The following AGO3 variants were observed in gnomAD, a reference collection of about 807,000 sequenced individuals.
The protein encoded by AGO3 is argonaute RISC catalytic component 3, also known as protein argonaute-3.
A neutral mutation model predicts 105.5 loss-of-function variants in AGO3; 16 were observed. The ratio of observed to expected loss-of-function variants is 0.15; its 90% CI spans 0.10 to 0.23. The LOEUF is 0.23. Among genes scored for constraint, AGO3 ranks in the 10% least tolerant of loss-of-function variants. AGO3 has a pLI of 1.00. For synonymous variants in AGO3, 340 were observed against 367.3 expected (o/e 0.93, Z 0.85); for missense variants, 534 against 1,088.0 (o/e 0.49, Z 7.16).
At chr1:36,033,313 G>A (rs1018721079) in intron 12 of AGO3, among the ~76,000 whole-genome samples, 7 of 151,304 alleles carry the variant, frequency 4.6e-5, no homozygotes, top group Non-Finnish European at 1.0e-4. Flanking sequence ...CTCTACCCTG[G>A]GTGACAGAAT....
rs1160814351 is a variant in AGO3, at chr1:36,067,573, G to A, written c.*11828G>A. ...AAATACAAAATTAGCTAGGCGTGGT[G>A]GCAGGCGCCTGAGGCTGAGGCAGGA... is the stretch of plus-strand genomic sequence containing the variant. On this transcript the variant is annotated 3_prime_UTR_variant, in exon 19 of 19. Coordinates refer to ENST00000373191, the MANE Select transcript of AGO3 (RefSeq NM_024852.4). The A allele has an allele frequency of 6.6e-6, 1 of 152,220 alleles. No homozygotes were observed. Among genetic ancestry groups the A allele is most frequent in the Non-Finnish European group, 1.5e-5 (1 of 68,060 alleles). The allele number at this position is 152,220 out of a possible 1,614,324, so 9.4% of individuals were successfully genotyped here.
chr1:36,023,283 A>G (rs1446961325), intron 11 of AGO3, among the ~76,000 whole-genome samples: 2 of 152,336 alleles, frequency 1.3e-5, no homozygotes, highest in East Asian at 3.9e-4. Context: ...ATGGACACAG[A>G]GAGTCTGACT....
chr1:36,058,436 G>T lies in AGO3; in HGVS notation c.*2691G>T, dbSNP rs980983716. 2 of 150,598 alleles carry T rather than the reference G, an allele frequency of 1.3e-5. No individual in the cohort carries two copies. Among genetic ancestry groups the T allele is most frequent in the Non-Finnish European group, 3.0e-5 (2 of 67,722 alleles). 9.3% of individuals were successfully genotyped at this position (150,598 alleles called of 1,614,324 possible). On this transcript the variant is annotated 3_prime_UTR_variant, in exon 19 of 19. Transcript: ENST00000373191. ...TTGTAACTCATGAAAATTGCATTTT[G>T]ATTTTTTTTTTTTTTGCACTGGTTC...
At position 36,040,358 on chromosome 1, in the gene AGO3, A is replaced by G; in HGVS notation, c.2089A>G (p.Lys697Glu). The change falls in exon 16 of 19, where the codon AAA (lysine) becomes GAA (glutamate). Residue 697 changes from lysine to glutamate, a missense_variant. Transcript: ENST00000373191. Reference sequence around the variant, plus strand: ...TCGAGAAGCCTGCATCAGTTTGGAGAAAGACTATCAACCTGGAATAACCTA... The same window carrying G: ...TCGAGAAGCCTGCATCAGTTTGGAGGAAGACTATCAACCTGGAATAACCTA... ...AIREACISLE[K>E]DYQPGITYIV... 6.2e-7 allele frequency: 1 copy of G among 1,613,876 alleles called. No homozygotes were observed. Among genetic ancestry groups the G allele is most frequent in the East Asian group, 2.2e-5 (1 of 44,844 alleles).
intron 17 of AGO3, among the ~76,000 whole-genome samples, chr1:36,052,333 T>C (rs1239494668): frequency 6.6e-6 from 1 of 152,016 alleles, no homozygotes; most frequent in South Asian, 2.1e-4. Flanking sequence ...TACTGCATGA[T>C]CTCACTGGTG....
intron 5 of AGO3, among the ~76,000 whole-genome samples, chr1:35,978,161 G>A (rs1387661968): frequency 1.3e-5 from 2 of 152,068 alleles, no homozygotes; most frequent in African/African-American, 2.4e-5. Context: ...AAATCTTGAT[G>A]AACTCTTTCT....
chr1:36,013,896 T>C lies in AGO3; in HGVS notation c.1273-19T>C. On this transcript the variant is annotated intron_variant, in intron 10 of 18. Coordinates refer to ENST00000373191, the MANE Select transcript of AGO3 (RefSeq NM_024852.4). ...ATTTTTGTTCTTTTTCACCATGTTATTTTTTTCTCCTCGTGTAGAATCGGA... is the reference window on the plus strand; with the variant it reads ...ATTTTTGTTCTTTTTCACCATGTTACTTTTTTCTCCTCGTGTAGAATCGGA... 1 of 1,602,306 alleles carries C rather than the reference T, an allele frequency of 6.2e-7. No homozygotes were observed. The highest frequency in any genetic ancestry group is 8.5e-7 in the Non-Finnish European group (1 of 1,173,848).
At chr1:35,995,373 C>T (rs1005054859) in intron 5 of AGO3, among the ~76,000 whole-genome samples, 5 of 151,790 alleles carry the variant, frequency 3.3e-5, no homozygotes, top group Non-Finnish European at 7.4e-5. Flanking sequence ...TCAAGACGTG[C>T]TATAAAACTA....
In AGO3 at chr1:35,961,660, T is replaced by C. The variant is rs562725309; in HGVS notation, c.192-5295T>C. Among the ~76,000 whole-genome samples the C allele has an allele frequency of 8.5e-4, 129 of 152,340 alleles. 1 individual carries two copies. The highest frequency in any genetic ancestry group is 3.1e-3 in the African/African-American group (127 of 41,582). ...ATGATTTCCTATCAGGATTGCCTCC[T>C]TCTCATTATATTTGAATTTTTAGGG... On this transcript the variant is annotated intron_variant, in intron 2 of 18. Transcript: ENST00000373191.
chr1:36,016,883 A>G (rs1640931048), intron 11 of AGO3, among the ~76,000 whole-genome samples: 1 of 152,122 alleles, frequency 6.6e-6, no homozygotes, highest in East Asian at 1.9e-4. Context: ...TTGGTTTGGT[A>G]TGGTCTGTTG....
chr1:36,072,240 T>G lies in AGO3; in HGVS notation c.*16495T>G, dbSNP rs996059308. The G allele has an allele frequency of 6.6e-6, 1 of 152,202 alleles. No homozygotes were observed. Among genetic ancestry groups the G allele is most frequent in the Non-Finnish European group, 1.5e-5 (1 of 68,034 alleles). The allele number at this position is 152,202 out of a possible 1,614,324, so 9.4% of individuals were successfully genotyped here. A position where few individuals can be genotyped will look rare whatever the true frequency, so the allele number is the denominator to read the frequency against. On this transcript the variant is annotated 3_prime_UTR_variant, in exon 19 of 19. Coordinates refer to ENST00000373191, the MANE Select transcript of AGO3 (RefSeq NM_024852.4). ...ATAATATTTTGTGTTAAAGAAAGTG[T>G]CATTGTTTCCTGTTGGGAGGCAAAT... is the stretch of plus-strand genomic sequence containing the variant.
chr1:35,975,031 A>T (rs966363762), intron 5 of AGO3, among the ~76,000 whole-genome samples: 5 of 152,086 alleles, frequency 3.3e-5, no homozygotes, highest in Non-Finnish European at 5.9e-5. Flanking sequence ...TTTTCTTTAG[A>T]TGTATACTAG....
chr1:35,957,103 C>T (rs1193801370), intron 2 of AGO3, among the ~76,000 whole-genome samples: 1 of 151,776 alleles, frequency 6.6e-6, no homozygotes, highest in Non-Finnish European at 1.5e-5. Context: ...TAATCTCAGC[C>T]CTTTGGGAGG....
At chr1:35,987,055 C>A (rs1173697047) in intron 5 of AGO3, among the ~76,000 whole-genome samples, 2 of 140,088 alleles carry the variant, frequency 1.4e-5, no homozygotes, top group African/African-American at 5.4e-5. Flanking sequence ...GGGCTAGGCA[C>A]GGTGGCTCAT....
rs1643125032 is a variant in AGO3 at position 36,068,703 on chromosome 1, ATACT to A, written c.*12961_*12964del. On this transcript the variant is annotated 3_prime_UTR_variant, in exon 19 of 19. Transcript: ENST00000373191. ...GTAAAAAATTATATTGAATGAATTA[ATACT>A]TAACCTGTTCATTTCTCTTAATTTA... 6.6e-6 allele frequency: 1 copy of A among 152,218 alleles called. No homozygotes were observed. The highest frequency in any genetic ancestry group is 1.5e-5 in the Non-Finnish European group (1 of 68,046). 9.4% of individuals were successfully genotyped at this position (152,218 alleles called of 1,614,324 possible).
chr1:35,979,916 A>G (rs138002508), intron 5 of AGO3, among the ~76,000 whole-genome samples: 1 of 152,164 alleles, frequency 6.6e-6, no homozygotes, highest in African/African-American at 2.4e-5. Flanking sequence ...TAAGCCAGAT[A>G]TAGATAGGAA....
At chr1:36,052,575 G>A (rs1642761204) in intron 17 of AGO3, among the ~76,000 whole-genome samples, 1 of 151,992 alleles carries the variant, frequency 6.6e-6, no homozygotes, top group Admixed American at 6.6e-5. Flanking sequence ...CAATGTTTGA[G>A]GCATAGATAT....
At position 36,055,309 on chromosome 1, in the gene AGO3, T is replaced by G. The variant is rs572306710; in HGVS notation, c.2474+164T>G. The G allele has an allele frequency of 1.4e-6, 1 of 700,724 alleles. No individual in the cohort carries two copies. The highest frequency in any genetic ancestry group is 2.7e-5 in the East Asian group (1 of 36,938). 43.4% of individuals were successfully genotyped at this position (700,724 alleles called of 1,614,324 possible). A position where few individuals can be genotyped will look rare whatever the true frequency, so the allele number is the denominator to read the frequency against. ...ATTGAAATATATTGTCTAGGCTCAT[T>G]AGTAATAGAATCATGTAGTAACTTA... On this transcript the variant is annotated intron_variant, in intron 18 of 18. Coordinates refer to ENST00000373191, the MANE Select transcript of AGO3 (RefSeq NM_024852.4). The surrounding 1 kb of genome is among the most constrained non-coding windows in gnomAD (Gnocchi z 4.4).
intron 11 of AGO3, among the ~76,000 whole-genome samples, chr1:36,019,696 C>T (rs1256591070): frequency 6.6e-6 from 1 of 152,156 alleles, no homozygotes; most frequent in Non-Finnish European, 1.5e-5. Context: ...GTTTGACAAA[C>T]TATACATTGG....
Sources: allele counts gnomAD v4.1 joint callset (sites outside exome capture counted in the v4.1 genomes callset), GRCh38; gene constraint gnomAD v4.1.1; non-coding constraint Gnocchi (gnomAD v3.1); transcripts MANE v1.5; gene names NCBI Gene and HGNC (gene_info 2026-07-23, HGNC 2026-07-21).